The following LPIN2 variants were observed in gnomAD, a reference collection of about 807,000 sequenced individuals.
LPIN2 encodes the protein lipin 2.
LPIN2 carries 55 observed loss-of-function variants against 111.4 expected under a neutral mutation model. The observed-to-expected ratio is 0.49, with a 90% CI of 0.40 to 0.62. The LOEUF (loss-of-function observed/expected upper bound fraction) is 0.62, where lower values mean the gene tolerates loss of function less well. LPIN2 is among the 20% of genes least tolerant of loss of function. The pLI, the probability that LPIN2 is intolerant of heterozygous loss-of-function variation, is 0.00. For synonymous variants in LPIN2, 425 were observed against 414.0 expected (o/e 1.03, Z -0.32); for missense variants, 992 against 1,112.1 (o/e 0.89, Z 1.54).
chr18:2,992,785 CG>C (rs1341847279), intron 1 of LPIN2, among the ~76,000 whole-genome samples: 1 of 151,872 alleles, frequency 6.6e-6, no homozygotes, highest in Non-Finnish European at 1.5e-5. Flanking sequence ...AGATGGAGAC[CG>C]TCCTGGCTAA....
intron 4 of LPIN2, among the ~76,000 whole-genome samples, chr18:2,947,360 C>T (rs1023622145): frequency 3.9e-5 from 6 of 152,208 alleles, no homozygotes; most frequent in Admixed American, 3.9e-4. Flanking sequence ...ATCTCTCTCT[C>T]ACACAAAGAC....
At chr18:2,933,246 G>GTTAAAT (rs2077237701) in intron 8 of LPIN2, among the ~76,000 whole-genome samples, 1 of 152,174 alleles carries the variant, frequency 6.6e-6, no homozygotes, top group African/African-American at 2.4e-5. Context: ...ACTGTGAACA[G>GTTAAAT]TTAAATTACA....
intron 17 of LPIN2, 44 bp from the exon 18 acceptor site, chr18:2,921,691 G>T: frequency 7.3e-7 from 1 of 1,370,486 alleles, no homozygotes; most frequent in Non-Finnish European, 1.0e-6. Context: ...CAAAATGGTC[G>T]TTTTCCCCAG....
chr18:2,939,518 T>C lies in LPIN2; in HGVS notation c.784A>G (p.Met262Val). 1 of 1,614,032 alleles carries C rather than the reference T, an allele frequency of 6.2e-7. No homozygotes were observed. Among genetic ancestry groups the C allele is most frequent in the East Asian group, 2.2e-5 (1 of 44,880 alleles). The change falls in exon 6 of 20, where the codon ATG becomes GTG. Residue 262 changes from methionine to valine, a missense_variant. By Grantham distance (21) the Met-to-Val change is conservative. Transcript: ENST00000677752. ...AESLLRSESH[M>V]EWTWGGFPES... ...GGGAATCCGCCCCACGTCCACTCCA[T>C]GTGAGACTCTGATCTGAGCAGGCTC...
At chr18:2,985,954 C>CTAT (rs2078180337) in intron 1 of LPIN2, among the ~76,000 whole-genome samples, 1 of 152,118 alleles carries the variant, frequency 6.6e-6, no homozygotes, top group Non-Finnish European at 1.5e-5. Context: ...TAATACCCAC[C>CTAT]GGAATTCCTC....
intron 6 of LPIN2, among the ~76,000 whole-genome samples, chr18:2,938,696 A>C (rs1427569306): frequency 6.6e-6 from 1 of 152,230 alleles, no homozygotes; most frequent in African/African-American, 2.4e-5. Context: ...ACAGTGTAAA[A>C]GTGGCAAGTC....
intron 1 of LPIN2, among the ~76,000 whole-genome samples, chr18:2,974,193 C>T (rs1443786823): frequency 6.6e-6 from 1 of 152,206 alleles, no homozygotes; most frequent in East Asian, 1.9e-4. Context: ...TCTCCTTCCT[C>T]AGCCTCCTCA....
chr18:2,952,453 A>G (rs994070727), intron 3 of LPIN2, among the ~76,000 whole-genome samples: 1 of 152,178 alleles, frequency 6.6e-6, no homozygotes, highest in Non-Finnish European at 1.5e-5. Context: ...TTAACCTCAT[A>G]TAATTTAAAA....
chr18:2,974,465 CTG>C (rs1405439408), intron 1 of LPIN2, among the ~76,000 whole-genome samples: 2 of 152,170 alleles, frequency 1.3e-5, no homozygotes, highest in African/African-American at 4.8e-5. Flanking sequence ...AATAACGTAA[CTG>C]TTTTTTAAGT....
At position 2,920,033 on chromosome 18, in the gene LPIN2, C is replaced by T. The variant is rs2144108162; in HGVS notation, c.*260G>A. On this transcript the variant is annotated 3_prime_UTR_variant, in exon 20 of 20. Coordinates refer to ENST00000677752, the MANE Select transcript of LPIN2 (RefSeq NM_001375808.2). ...GGAGGCCCCAGCTCACAGCAGGAAA[C>T]ATGTGTGCGACCCACAAAGGAGGGA... The T allele has an allele frequency of 1.8e-6, 1 of 566,968 alleles. No homozygotes were observed. The highest frequency in any genetic ancestry group is 3.2e-6 in the Non-Finnish European group (1 of 316,018). The allele number at this position is 566,968 out of a possible 1,614,324, so 35.1% of individuals were successfully genotyped here. A position where few individuals can be genotyped will look rare whatever the true frequency, so the allele number is the denominator to read the frequency against.
chr18:2,929,692 G>C (rs995222354), intron 9 of LPIN2, among the ~76,000 whole-genome samples: 7 of 152,196 alleles, frequency 4.6e-5, no homozygotes, highest in African/African-American at 1.4e-4. Context: ...GATCACTTGA[G>C]GTCAGGAGTT....
chr18:2,924,589 T>C (rs772631210), intron 14 of LPIN2, 43 bp from the exon 15 acceptor site: 5 of 1,602,418 alleles, frequency 3.1e-6, no homozygotes, highest in Admixed American at 1.7e-5. Context: ...GCTGAAAACA[T>C]AGTTTGAAAC....
At chr18:2,926,906 A>G in intron 12 of LPIN2, 101 bp from the exon 13 acceptor site, 1 of 871,346 alleles carries the variant, frequency 1.1e-6, no homozygotes, top group Non-Finnish European at 1.9e-6. Context: ...CTGCCTTCTG[A>G]ACCCACAACT....
rs1483704302 is a variant in LPIN2, at chr18:2,946,166, G to A, written c.590+4889C>T. 1.2e-5 allele frequency: 20 copies of A among 1,610,108 alleles called. No individual in the cohort carries two copies. The Admixed American group carries it at 2.7e-4, about 21-fold the overall frequency. On this transcript the variant is annotated intron_variant, in intron 4 of 19. Transcript: ENST00000677752. ...AAGTTTATCAAGTGCTTGTTTTAGG[G>A]AGGCAGATATTTTTAATTCCAAATT...
chr18:2,995,590 T>C (rs1405376652), intron 1 of LPIN2, among the ~76,000 whole-genome samples: 2 of 152,218 alleles, frequency 1.3e-5, no homozygotes, highest in Admixed American at 1.3e-4. Context: ...AAGAACTATC[T>C]TTAAATTTAA....
chr18:2,928,621 G>A lies in LPIN2; in HGVS notation c.1590C>T (p.Ser530=). 6.2e-7 allele frequency: 1 copy of A among 1,614,186 alleles called. No homozygotes were observed. The highest frequency in any genetic ancestry group is 8.5e-7 in the Non-Finnish European group (1 of 1,180,032). Residue 530 remains serine (S), a synonymous_variant, in exon 11 of 20, where the codon AGC becomes AGT. Transcript: ENST00000677752. ...NWALAAPMIL[S]LQVFQKSLPK... ...GCAAGCTCTTCTGGAATACTTGCAAGCTAAGGATCATGGGAGCTGCCAAAG... is the reference window on the plus strand; with the variant it reads ...GCAAGCTCTTCTGGAATACTTGCAAACTAAGGATCATGGGAGCTGCCAAAG...
chr18:2,992,913 A>G (rs1367965887), intron 1 of LPIN2, among the ~76,000 whole-genome samples: 4 of 150,672 alleles, frequency 2.7e-5, no homozygotes, highest in Middle Eastern at 3.4e-3. Context: ...GTGAACCTGG[A>G]AGGCGGAGCT....
intron 4 of LPIN2, among the ~76,000 whole-genome samples, chr18:2,943,426 CTGCGTGTGTGTGTGTGTGTG>C (rs2144223787): frequency 8.8e-6 from 1 of 114,114 alleles, no homozygotes; most frequent in Admixed American, 9.4e-5. Flanking sequence ...AATATAAAAG[CTGCGTGTGTGTGTGTGTGTG>C]TGTGTGTGTG....
chr18:2,952,245 G>A (rs894835220), intron 3 of LPIN2, among the ~76,000 whole-genome samples: 8 of 151,004 alleles, frequency 5.3e-5, no homozygotes, highest in African/African-American at 1.7e-4. Context: ...TGGCTAACAT[G>A]GTGAAACCCT....
Sources: allele counts gnomAD v4.1 joint callset (sites outside exome capture counted in the v4.1 genomes callset), GRCh38; gene constraint gnomAD v4.1.1; transcripts MANE v1.5; gene names NCBI Gene and HGNC (gene_info 2026-07-23, HGNC 2026-07-21).